Variants in RMDN2 observed in about 807,000 individuals in gnomAD.
RMDN2 encodes regulator of microtubule dynamics protein 2.
Under a neutral mutation model 52.8 loss-of-function variants are expected in RMDN2, and 61 were observed. The observed-to-expected ratio is 1.16, with a 90% CI of 0.94 to 1.43. The LOEUF (loss-of-function observed/expected upper bound fraction) is 1.43. RMDN2 is among the 40% of genes most tolerant of loss of function. The probability of loss-of-function intolerance (pLI) is 0.00; values close to 1 mark genes in which losing one functional copy is unlikely to be tolerated. For synonymous variants in RMDN2, 180 were observed against 153.1 expected, an observed-to-expected ratio of 1.18 and a Z score of -1.30; for missense variants, 592 against 475.3, an observed-to-expected ratio of 1.25 and a Z score of -2.28.
chr2:37,975,777 A>C (rs1200910252), intron 4 of RMDN2, among the ~76,000 whole-genome samples: 1 of 152,262 alleles, frequency 6.6e-6, no homozygotes, highest in Non-Finnish European at 1.5e-5. Flanking sequence ...CAGTATGTTT[A>C]ATCTATTTTA....
At chr2:38,006,328 C>T (rs1185495217) in intron 10 of RMDN2, among the ~76,000 whole-genome samples, 3 of 152,280 alleles carry the variant, frequency 2.0e-5, no homozygotes, top group South Asian at 2.1e-4. Flanking sequence ...ATTCTTCCTA[C>T]CCATGAGCAT....
intron 2 of RMDN2, among the ~76,000 whole-genome samples, chr2:37,966,665 C>A (rs896436099): frequency 1.3e-5 from 2 of 151,824 alleles, no homozygotes; most frequent in Admixed American, 1.3e-4. Context: ...TAAAGTTTGC[C>A]TGGTTGTTTG....
At chr2:38,014,166 C>T (rs532903495) in intron 10 of RMDN2, among the ~76,000 whole-genome samples, 20 of 152,130 alleles carry the variant, frequency 1.3e-4, no homozygotes, top group South Asian at 1.2e-3. Flanking sequence ...GAGCTGAGAT[C>T]GTGCCATTGC....
chr2:37,933,832 T>C (rs1667067367), intron 2 of RMDN2, among the ~76,000 whole-genome samples: 1 of 150,088 alleles, frequency 6.7e-6, no homozygotes, highest in Non-Finnish European at 1.5e-5. Context: ...AAAATTTAGA[T>C]GTGAAATCTT....
chr2:37,978,975 A>G (rs1672948612), intron 4 of RMDN2, among the ~76,000 whole-genome samples: 1 of 152,146 alleles, frequency 6.6e-6, no homozygotes, highest in African/African-American at 2.4e-5. Flanking sequence ...TAACTGAGTT[A>G]ATGTCTTAGA....
intron 5 of RMDN2, among the ~76,000 whole-genome samples, chr2:37,982,145 C>A (rs966740156): frequency 1.3e-5 from 2 of 152,268 alleles, no homozygotes; most frequent in South Asian, 4.1e-4. Flanking sequence ...TAGGGGCACT[C>A]TTAGGCAAAA....
At chr2:37,939,049 C>T (rs1667560645) in intron 2 of RMDN2, among the ~76,000 whole-genome samples, 2 of 152,110 alleles carry the variant, frequency 1.3e-5, no homozygotes, top group Admixed American at 6.5e-5. Context: ...ATAAATTTCC[C>T]TCTAATCACT....
intron 2 of RMDN2, chr2:37,949,843 G>C (rs1468850328): frequency 6.5e-6 from 1 of 153,482 alleles, no homozygotes; most frequent in Non-Finnish European, 1.4e-5. Context: ...AATTGGTTTA[G>C]ATAAGAAAGG....
At chr2:37,959,414 T>C (rs899215209) in intron 2 of RMDN2, among the ~76,000 whole-genome samples, 1 of 151,120 alleles carries the variant, frequency 6.6e-6, no homozygotes, top group Admixed American at 6.6e-5. Flanking sequence ...TATCCATTTC[T>C]TGTAGATTTT....
intron 7 of RMDN2, among the ~76,000 whole-genome samples, chr2:37,993,443 A>G: frequency 6.6e-6 from 1 of 152,108 alleles, no homozygotes; most frequent in East Asian, 1.9e-4. Flanking sequence ...TTCTGGCCAC[A>G]CAATATCTTA....
At chr2:38,033,158 C>A (rs1680334577) in intron 10 of RMDN2, 1 of 152,190 alleles carries the variant, frequency 6.6e-6, no homozygotes, top group South Asian at 2.1e-4. Flanking sequence ...CCAGTGACGT[C>A]AAGCATCCTT....
chr2:37,993,470 G>C (rs888376023), intron 7 of RMDN2, among the ~76,000 whole-genome samples: 1 of 151,328 alleles, frequency 6.6e-6, no homozygotes, highest in African/African-American at 2.4e-5. Context: ...GTGTTAGTCT[G>C]AAGTGTGTAT....
At position 37,974,063 on chromosome 2, in the gene RMDN2, C is replaced by T. The variant is rs1405495607; in HGVS notation, c.476C>T (p.Thr159Ile). The T allele has an allele frequency of 5.6e-6, 9 of 1,610,288 alleles. No individual in the cohort carries two copies. In the East Asian group the frequency reaches 1.8e-4, roughly 32 times the overall value. ...AGGTATATTACAGCTAATACTGACA[C>T]AGAAGAACAGAGTTTTCCAGTCCCT... Reference protein sequence around the residue: ...EGGYITANTDTEEQSFPVPKA... With the variant: ...EGGYITANTDIEEQSFPVPKA... Residue 159 changes from threonine (T) to isoleucine (I), a missense_variant, in exon 3 of 11, where the codon ACA becomes ATA. Physicochemically the swap from Thr to Ile is moderately conservative, Grantham distance 89. Transcript: ENST00000354545.
chr2:38,025,732 C>G (rs1358619507), intron 10 of RMDN2, among the ~76,000 whole-genome samples: 1 of 151,906 alleles, frequency 6.6e-6, no homozygotes, highest in Non-Finnish European at 1.5e-5. Context: ...TATGGTTTTA[C>G]TGTTTTAGTT....
At chr2:38,020,062 T>C (rs1370225117), downstream of RMDN2, among the ~76,000 whole-genome samples, 1 of 152,110 alleles carries the variant, frequency 6.6e-6, no homozygotes, top group Admixed American at 6.6e-5. Flanking sequence ...TATACAGCAG[T>C]GGTCCCCAAC....
At chr2:38,040,034 G>C (rs937800111) in intron 10 of RMDN2, among the ~76,000 whole-genome samples, 1 of 134,636 alleles carries the variant, frequency 7.4e-6, no homozygotes, top group African/African-American at 2.7e-5. Context: ...TATAAGGCCT[G>C]TGTCTAGATT....
At chr2:37,977,783 C>T (rs940833743) in intron 4 of RMDN2, among the ~76,000 whole-genome samples, 31 of 151,966 alleles carry the variant, frequency 2.0e-4, no homozygotes, top group Non-Finnish European at 3.2e-4. Context: ...CAGAGACGCT[C>T]CTCACTTCCT....
At chr2:37,990,302 T>G (rs554273858) in intron 6 of RMDN2, among the ~76,000 whole-genome samples, 1 of 151,554 alleles carries the variant, frequency 6.6e-6, no homozygotes, top group African/African-American at 2.4e-5. Flanking sequence ...GCAGATTGCT[T>G]GAGGCCAGGA....
chr2:37,963,466 C>T (rs1670561861), intron 2 of RMDN2, among the ~76,000 whole-genome samples: 1 of 151,954 alleles, frequency 6.6e-6, no homozygotes, highest in Non-Finnish European at 1.5e-5. Context: ...ACCCTGCAGC[C>T]TTCCGCAGTG....
Sources: gnomAD v4.1 joint callset for allele counts (sites outside exome capture counted in the v4.1 genomes callset) on GRCh38, gnomAD v4.1.1 for gene constraint, MANE v1.5 for transcripts, NCBI Gene and HGNC (gene_info 2026-07-23, HGNC 2026-07-21) for gene names.